MYO3A: variants seen among roughly 807,000 people sequenced by gnomAD.
MYO3A encodes the protein myosin IIIA, also known as myosin-IIIa.
Under a neutral mutation model 192.7 loss-of-function variants are expected in MYO3A, and 180 were observed. The observed-to-expected ratio is 0.93, with a 90% CI of 0.83 to 1.06. MYO3A has a LOEUF of 1.06. Among genes scored for constraint, MYO3A ranks in the 50% least tolerant of loss-of-function variants. MYO3A has a pLI of 0.00. For missense variants in MYO3A, 1,896 were observed against 1,905.0 expected, an observed-to-expected ratio of 1.00 and a Z score of 0.09; for synonymous variants, 628 against 645.3, an observed-to-expected ratio of 0.97 and a Z score of 0.41.
chr10:26,193,400 A>G, intron 32 of MYO3A, 89 bp downstream of exon 32: 2 of 1,071,210 alleles, frequency 1.9e-6, no homozygotes, highest in Non-Finnish European at 1.4e-6. Flanking sequence ...TTCAGGCACA[A>G]AGGAAGGCCT....
intron 34 of MYO3A, among the ~76,000 whole-genome samples, chr10:26,205,608 CTTTTTT>C (rs576007724): frequency 7.3e-5 from 5 of 68,630 alleles, no homozygotes; most frequent in African/African-American, 1.3e-4. Flanking sequence ...CTTTTCTTTT[CTTTTTT>C]TTTTTTTTTT....
intron 6 of MYO3A, among the ~76,000 whole-genome samples, chr10:26,001,920 G>C (rs781653806): frequency 6.6e-6 from 1 of 152,200 alleles, no homozygotes; most frequent in Non-Finnish European, 1.5e-5. Flanking sequence ...CCAGGAGTTC[G>C]AGGCTGCAGT....
At chr10:26,103,831 C>T (rs918006691) in intron 17 of MYO3A, among the ~76,000 whole-genome samples, 1 of 152,190 alleles carries the variant, frequency 6.6e-6, no homozygotes, top group South Asian at 2.1e-4. Context: ...GTTCCAATTT[C>T]TGCATGTCTT....
intron 23 of MYO3A, among the ~76,000 whole-genome samples, chr10:26,151,098 ATC>A (rs1840766742): frequency 6.6e-6 from 1 of 152,110 alleles, no homozygotes; most frequent in African/African-American, 2.4e-5. Context: ...CCATAATATT[ATC>A]TGTCTTATTT....
intron 23 of MYO3A, among the ~76,000 whole-genome samples, chr10:26,152,690 T>C (rs1194514600): frequency 6.6e-6 from 1 of 152,230 alleles, no homozygotes; most frequent in African/African-American, 2.4e-5. Flanking sequence ...TTAAGCGAAA[T>C]TCCTGAAACT....
chr10:25,949,914 G>A (rs915176900), intron 2 of MYO3A, among the ~76,000 whole-genome samples: 1 of 152,074 alleles, frequency 6.6e-6, no homozygotes, highest in Non-Finnish European at 1.5e-5. Flanking sequence ...AAATAGATTA[G>A]GTCTCTGCTG....
rs34464120 is a variant in MYO3A, at chr10:26,077,233, G to GTTTT, written c.1359+6851_1359+6854dup. ...CTCCTTGGTTAGGTATATTCCTAAG[G>GTTTT]TTTTTTTTTTTTTTTTTTTTTTGCA... On this transcript the variant is annotated intron_variant, in intron 14 of 34. Coordinates refer to ENST00000642920, the MANE Select transcript of MYO3A (RefSeq NM_017433.5). Among the ~76,000 whole-genome samples, 56 of 36,280 alleles carry GTTTT rather than the reference G, an allele frequency of 1.5e-3. 4 individuals carry two copies. Among genetic ancestry groups the GTTTT allele is most frequent in the African/African-American group, 2.8e-3 (29 of 10,256 alleles). 23.8% of individuals were successfully genotyped at this position (36,280 alleles called of 152,430 possible). A position where few individuals can be genotyped will look rare whatever the true frequency, so the allele number is the denominator to read the frequency against.
chr10:25,994,785 A>C (rs1840311430), intron 4 of MYO3A, among the ~76,000 whole-genome samples: 1 of 152,150 alleles, frequency 6.6e-6, no homozygotes, highest in South Asian at 2.1e-4. Flanking sequence ...ATTTGGCTGG[A>C]TATGAAATTC....
At chr10:26,191,415 G>C (rs1296056489) in intron 31 of MYO3A, among the ~76,000 whole-genome samples, 1 of 152,178 alleles carries the variant, frequency 6.6e-6, no homozygotes. Context: ...AGGGAGAGAG[G>C]GAATGGGAGA....
intron 15 of MYO3A, 22 bp from the exon 16 acceptor site, chr10:26,096,359 C>A: frequency 6.6e-7 from 1 of 1,507,476 alleles, no homozygotes; most frequent in Non-Finnish European, 9.2e-7. Flanking sequence ...AACTACCTTA[C>A]TGTAAATATC....
At chr10:26,105,296 A>G (rs2131609880) in intron 17 of MYO3A, among the ~76,000 whole-genome samples, 1 of 152,300 alleles carries the variant, frequency 6.6e-6, no homozygotes, top group East Asian at 1.9e-4. Context: ...ATTGCCTTCC[A>G]ATAGTTCTGT....
intron 20 of MYO3A, among the ~76,000 whole-genome samples, chr10:26,133,755 G>A (rs1161503680): frequency 1.3e-5 from 2 of 152,034 alleles, no homozygotes; most frequent in Admixed American, 1.3e-4. Flanking sequence ...CACCATACCT[G>A]GCTAAATTTT....
At chr10:26,190,489 C>T (rs1179913283) in intron 31 of MYO3A, among the ~76,000 whole-genome samples, 1 of 152,078 alleles carries the variant, frequency 6.6e-6, no homozygotes, top group Non-Finnish European at 1.5e-5. Flanking sequence ...AGGGTCAAAC[C>T]TGAGGTGTGC....
chr10:25,935,149 G>A (rs1041383909), intron 1 of MYO3A, among the ~76,000 whole-genome samples: 1 of 152,150 alleles, frequency 6.6e-6, no homozygotes, highest in Non-Finnish European at 1.5e-5. Flanking sequence ...AACCCCAAAT[G>A]CATCCGTAAA....
chr10:26,205,074 G>T (rs765225241), intron 34 of MYO3A, among the ~76,000 whole-genome samples: 1 of 152,202 alleles, frequency 6.6e-6, no homozygotes, highest in African/African-American at 2.4e-5. Flanking sequence ...GCGCGAGAGG[G>T]TGTAAGTCTG....
At chr10:26,026,323 A>T in intron 9 of MYO3A, 54 bp from the exon 10 acceptor site, 1 of 1,590,600 alleles carries the variant, frequency 6.3e-7, no homozygotes, top group Non-Finnish European at 8.6e-7. Flanking sequence ...TATGAATAAT[A>T]GTTTCAAAAC....
At chr10:26,138,038 G>T (rs983122124) in intron 20 of MYO3A, among the ~76,000 whole-genome samples, 31 of 152,154 alleles carry the variant, frequency 2.0e-4, no homozygotes, top group African/African-American at 7.5e-4. Flanking sequence ...TTCTGATTTT[G>T]CCCTTGTCCT....
chr10:26,182,505 T>C (rs1273224882), intron 31 of MYO3A, among the ~76,000 whole-genome samples: 1 of 152,214 alleles, frequency 6.6e-6, no homozygotes, highest in Non-Finnish European at 1.5e-5. Context: ...AAACAAATGT[T>C]GTGTGTTTAA....
At chr10:26,023,311 C>G (rs1166515582) in intron 8 of MYO3A, 1 of 152,192 alleles carries the variant, frequency 6.6e-6, no homozygotes, top group Non-Finnish European at 1.5e-5. Context: ...TTAGAATTAA[C>G]ATAAAGCAGC....
Sources: gnomAD v4.1 joint callset for allele counts (sites outside exome capture counted in the v4.1 genomes callset) on GRCh38, gnomAD v4.1.1 for gene constraint, MANE v1.5 for transcripts, NCBI Gene and HGNC (gene_info 2026-07-23, HGNC 2026-07-21) for gene names.